EBF1: variants seen among roughly 807,000 people sequenced by gnomAD.
EBF1 encodes the protein EBF transcription factor 1.
In EBF1, 10 loss-of-function variants were observed where a neutral mutation model predicts 68.4. The ratio of observed to expected loss-of-function variants is 0.15; its 90% CI spans 0.09 to 0.25. The LOEUF is 0.25. Among genes scored for constraint, EBF1 ranks in the 10% least tolerant of loss-of-function variants. The pLI is 1.00. For synonymous variants in EBF1, 298 were observed against 299.8 expected (o/e 0.99, Z 0.06); for missense variants, 509 against 794.4 (o/e 0.64, Z 4.32).
chr5:159,076,541 G>A (rs1033939121), intron 5 of EBF1, among the ~76,000 whole-genome samples: 1 of 152,174 alleles, frequency 6.6e-6, no homozygotes, highest in Non-Finnish European at 1.5e-5. Context: ...AAGAGCAGAA[G>A]TGTAGAAGGA....
At chr5:158,859,893 C>T (rs1794680793) in intron 6 of EBF1, among the ~76,000 whole-genome samples, 1 of 152,336 alleles carries the variant, frequency 6.6e-6, no homozygotes, top group African/African-American at 2.4e-5. Flanking sequence ...CATTTCATAT[C>T]TGGCCAACCA....
Position 158,796,474 on chromosome 5 carries a change from A to G in EBF1, c.780T>C (p.Ala260=), listed in dbSNP as rs138972642. 1.2e-6 allele frequency: 2 copies of G among 1,611,792 alleles called. No homozygotes were observed. The highest frequency in any genetic ancestry group is 2.7e-5 in the African/African-American group (2 of 75,002). The change falls in exon 9 of 16, where the codon GCT becomes GCC. Residue 260 remains alanine (A), a splice_region_variant and synonymous_variant. Coordinates refer to ENST00000313708, the MANE Select transcript of EBF1 (RefSeq NM_024007.5). ...SEGTPSYLEH[A]TPCIKAISPS... is the part of the protein sequence containing the mutation. ...GGCTGATGGCTTTGATACAGGGAGT[A>G]GCTGCTTTTCAACACACATGAAAAA...
chr5:158,989,814 C>T (rs1561723336), intron 6 of EBF1, among the ~76,000 whole-genome samples: 2 of 152,152 alleles, frequency 1.3e-5, no homozygotes, highest in Non-Finnish European at 2.9e-5. Context: ...TCACTCCTTC[C>T]CTTATTCCAG....
At chr5:158,744,276 A>G (rs1767072297) in intron 10 of EBF1, among the ~76,000 whole-genome samples, 1 of 152,088 alleles carries the variant, frequency 6.6e-6, no homozygotes, top group Non-Finnish European at 1.5e-5. Context: ...ACTACGGGGA[A>G]CACAAGCAGG....
intron 6 of EBF1, among the ~76,000 whole-genome samples, chr5:158,905,373 T>C (rs1169547184): frequency 1.3e-5 from 2 of 152,184 alleles, no homozygotes; most frequent in African/African-American, 4.8e-5. Flanking sequence ...TAAAGGGCCT[T>C]GCACTCTCTT....
At chr5:158,894,293 CT>C (rs1429590887) in intron 6 of EBF1, among the ~76,000 whole-genome samples, 9 of 151,732 alleles carry the variant, frequency 5.9e-5, no homozygotes, top group Admixed American at 2.6e-4. Context: ...TATTTTGGAT[CT>C]TTTTTCAAGC....
At chr5:158,788,240 T>C (rs989182977) in intron 9 of EBF1, among the ~76,000 whole-genome samples, 7 of 152,062 alleles carry the variant, frequency 4.6e-5, no homozygotes, top group African/African-American at 1.7e-4. Context: ...ACATAAGAAT[T>C]TAGACAGAAG....
chr5:158,763,574 CT>C (rs1771980123), intron 10 of EBF1, among the ~76,000 whole-genome samples: 1 of 150,428 alleles, frequency 6.6e-6, no homozygotes, highest in Non-Finnish European at 1.5e-5. Flanking sequence ...CCATGACACC[CT>C]TTTTGTAAAC....
At chr5:158,831,983 ATAAG>A (rs1787687790) in intron 7 of EBF1, among the ~76,000 whole-genome samples, 2 of 152,202 alleles carry the variant, frequency 1.3e-5, no homozygotes, top group African/African-American at 2.4e-5. Flanking sequence ...TGGTAGAAAA[ATAAG>A]TAAGATTATA....
At chr5:158,780,522 A>G (rs1006726296) in intron 9 of EBF1, among the ~76,000 whole-genome samples, 1 of 152,228 alleles carries the variant, frequency 6.6e-6, no homozygotes, top group African/African-American at 2.4e-5. Context: ...TATTTAAAAA[A>G]CTTATTTTAA....
At chr5:158,890,587 A>G (rs1322098158) in intron 6 of EBF1, among the ~76,000 whole-genome samples, 2 of 152,246 alleles carry the variant, frequency 1.3e-5, no homozygotes, top group Admixed American at 1.3e-4. Flanking sequence ...TGAGAGCAGC[A>G]TTAGAGTAAT....
chr5:158,812,431 G>C (rs1213688291), intron 8 of EBF1, among the ~76,000 whole-genome samples: 20 of 152,064 alleles, frequency 1.3e-4, no homozygotes, highest in Non-Finnish European at 1.2e-4. Context: ...TTCTCTTGGG[G>C]GTTAAAATTA....
intron 10 of EBF1, among the ~76,000 whole-genome samples, chr5:158,755,511 G>T (rs1769885457): frequency 6.6e-6 from 1 of 152,084 alleles, no homozygotes; most frequent in Admixed American, 6.6e-5. Context: ...TTCAATAAAA[G>T]GCAGAGAATG....
chr5:158,703,602 C>CAAA lies in EBF1; in HGVS notation c.1744+4374_1744+4376dup, dbSNP rs11301371. Among the ~76,000 whole-genome samples the CAAA allele has an allele frequency of 9.5e-4, 120 of 126,388 alleles. 1 individual carries two copies. Among genetic ancestry groups the CAAA allele is most frequent in the Middle Eastern group, 4.1e-3 (1 of 244 alleles). 82.9% of individuals were successfully genotyped at this position (126,388 alleles called of 152,430 possible). A position where few individuals can be genotyped will look rare whatever the true frequency, so the allele number is the denominator to read the frequency against. On this transcript the variant is annotated intron_variant, in intron 15 of 15. Coordinates refer to ENST00000313708, the MANE Select transcript of EBF1 (RefSeq NM_024007.5). Reference sequence around the variant, plus strand: ...GAAGTTGAGACTAGAGTTGCTTTTTCAAAAAAAAAAAAAAAAAACCCTCAG... The same window carrying CAAA: ...GAAGTTGAGACTAGAGTTGCTTTTTCAAAAAAAAAAAAAAAAAAAAACCCTCAG...
intron 6 of EBF1, among the ~76,000 whole-genome samples, chr5:159,068,407 A>T (rs371563785): frequency 1.5e-5 from 2 of 131,424 alleles, no homozygotes; most frequent in Non-Finnish European, 3.3e-5. Flanking sequence ...GGATGGATGG[A>T]TGGTTAGATA....
intron 15 of EBF1, among the ~76,000 whole-genome samples, chr5:158,703,648 C>T (rs991586155): frequency 4.8e-5 from 7 of 147,140 alleles, no homozygotes; most frequent in Admixed American, 1.4e-4. Flanking sequence ...ACTTTTCAAA[C>T]GTTTTATCTA....
chr5:158,922,306 G>T (rs964944327), intron 6 of EBF1, among the ~76,000 whole-genome samples: 6 of 152,110 alleles, frequency 3.9e-5, no homozygotes, highest in Admixed American at 2.6e-4. Context: ...ATTTGATTTG[G>T]TTGCTATTGT....
intron 6 of EBF1, among the ~76,000 whole-genome samples, chr5:159,022,056 T>TAAAAAAAAAA (rs10630834): frequency 2.8e-5 from 3 of 105,610 alleles, no homozygotes; most frequent in Non-Finnish European, 1.8e-5. Flanking sequence ...GTCAGCACGA[T>TAAAAAAAAAA]AAAAAAAAAA....
chr5:158,971,902 C>T (rs1185369601), intron 6 of EBF1, among the ~76,000 whole-genome samples: 1 of 152,136 alleles, frequency 6.6e-6, no homozygotes, highest in Admixed American at 6.5e-5. Context: ...AAGATTCATA[C>T]CAAAGACTAT....
Sources: gnomAD v4.1 joint callset for allele counts (sites outside exome capture counted in the v4.1 genomes callset) on GRCh38, gnomAD v4.1.1 for gene constraint, MANE v1.5 for transcripts, NCBI Gene and HGNC (gene_info 2026-07-23, HGNC 2026-07-21) for gene names.